The following PAIP2 variants were observed in gnomAD, a reference collection of about 807,000 sequenced individuals.
The protein encoded by PAIP2 is polyadenylate-binding protein-interacting protein 2.
In PAIP2, 7 loss-of-function variants were observed where a neutral mutation model predicts 14.8. That is an observed-to-expected ratio of 0.47 (90% CI 0.27 to 0.89). The LOEUF (loss-of-function observed/expected upper bound fraction) is 0.89. Among genes scored for constraint, PAIP2 ranks in the 40% least tolerant of loss-of-function variants. PAIP2 has a pLI of 0.13. For synonymous variants in PAIP2, 47 were observed against 45.3 expected (o/e 1.04, Z -0.15); for missense variants, 122 against 154.7 (o/e 0.79, Z 1.12).
At chr5:139,356,596 C>T (rs369367741) in intron 1 of PAIP2, among the ~76,000 whole-genome samples, 28 of 150,058 alleles carry the variant, frequency 1.9e-4, no homozygotes, top group African/African-American at 4.9e-4. Flanking sequence ...AATGACATTT[C>T]GGGCTGGGCA....
At chr5:139,364,932 G>C (rs1304875202) in intron 3 of PAIP2, 189 bp downstream of exon 3, 1 of 435,208 alleles carries the variant, frequency 2.3e-6, no homozygotes, top group East Asian at 4.0e-5. Flanking sequence ...TTGACTTGAG[G>C]TCAGGAGTTT....
At chr5:139,352,610 T>C (rs1756780592) in intron 1 of PAIP2, among the ~76,000 whole-genome samples, 2 of 151,224 alleles carry the variant, frequency 1.3e-5, no homozygotes, top group South Asian at 2.1e-4. Flanking sequence ...TAGCTGTGAT[T>C]ACAGGCATGT....
intron 1 of PAIP2, among the ~76,000 whole-genome samples, chr5:139,345,443 T>C (rs538379627): frequency 1.2e-4 from 19 of 152,096 alleles, no homozygotes; most frequent in East Asian, 7.7e-4. Flanking sequence ...AATTGAAAAA[T>C]GTTGCGATCC....
intron 1 of PAIP2, among the ~76,000 whole-genome samples, chr5:139,347,434 C>T (rs377176473): frequency 1.1e-3 from 171 of 151,988 alleles, no homozygotes; most frequent in African/African-American, 3.9e-3. Context: ...CCACCATGCC[C>T]GGCTAATTTT....
chr5:139,360,789 T>A (rs928858211), intron 1 of PAIP2, among the ~76,000 whole-genome samples: 1 of 151,492 alleles, frequency 6.6e-6, no homozygotes, highest in Non-Finnish European at 1.5e-5. Context: ...TTTTTTTTTT[T>A]TCTTTTTTGG....
At chr5:139,354,881 C>T (rs1029389598) in intron 1 of PAIP2, among the ~76,000 whole-genome samples, 3 of 147,840 alleles carry the variant, frequency 2.0e-5, no homozygotes, top group African/African-American at 5.0e-5. Context: ...AGTGCAGTGG[C>T]GTGGTCTCAG....
chr5:139,346,087 G>C (rs1255088675), intron 1 of PAIP2, among the ~76,000 whole-genome samples: 1 of 152,178 alleles, frequency 6.6e-6, no homozygotes. Flanking sequence ...AAAAACAGCT[G>C]AAGACACAAT....
chr5:139,354,532 GATAC>G (rs1394559102), intron 1 of PAIP2, among the ~76,000 whole-genome samples: 2 of 152,136 alleles, frequency 1.3e-5, no homozygotes, highest in Admixed American at 1.3e-4. Flanking sequence ...GAGCTTCTTA[GATAC>G]ATAGATTTGT....
At chr5:139,364,964 G>A in intron 3 of PAIP2, 1 of 317,332 alleles carries the variant, frequency 3.2e-6, no homozygotes, top group Non-Finnish European at 5.8e-6. Context: ...GACCAACATG[G>A]AGAAACCCCA....
At chr5:139,350,737 A>G (rs1339418298) in intron 1 of PAIP2, among the ~76,000 whole-genome samples, 2 of 152,082 alleles carry the variant, frequency 1.3e-5, no homozygotes, top group African/African-American at 4.8e-5. Flanking sequence ...AAAAAAATAG[A>G]GAAAACAGGC....
chr5:139,343,181 A>G (rs1365025052), intron 1 of PAIP2: 7 of 152,220 alleles, frequency 4.6e-5, no homozygotes, highest in African/African-American at 1.4e-4. Flanking sequence ...TTCTGTTTCC[A>G]GTTAGTGAAA....
intron 3 of PAIP2, among the ~76,000 whole-genome samples, chr5:139,366,401 A>G (rs1274792505): frequency 6.6e-6 from 1 of 152,178 alleles, no homozygotes; most frequent in Non-Finnish European, 1.5e-5. Flanking sequence ...TAAAAGTACT[A>G]CAGAGGATTT....
intron 3 of PAIP2, among the ~76,000 whole-genome samples, chr5:139,366,682 A>G (rs1358661320): frequency 1.3e-5 from 2 of 152,178 alleles, no homozygotes; most frequent in African/African-American, 4.8e-5. Context: ...GTATAATTCC[A>G]TAGTACAGAA....
chr5:139,358,182 C>T (rs1322660220), intron 1 of PAIP2, among the ~76,000 whole-genome samples: 1 of 152,136 alleles, frequency 6.6e-6, no homozygotes, highest in African/African-American at 2.4e-5. Context: ...AATTTCAGCT[C>T]CACTGTTCAC....
At chr5:139,359,524 G>T (rs935913884) in intron 1 of PAIP2, among the ~76,000 whole-genome samples, 7 of 152,102 alleles carry the variant, frequency 4.6e-5, no homozygotes, top group African/African-American at 1.7e-4. Flanking sequence ...GGGTGTCTTT[G>T]TACCTAACTT....
chr5:139,360,761 G>A (rs1232520282), intron 1 of PAIP2, among the ~76,000 whole-genome samples: 3 of 149,094 alleles, frequency 2.0e-5, no homozygotes, highest in African/African-American at 2.5e-5. Context: ...CACCCAGTTT[G>A]TTTCTTCCTG....
chr5:139,360,413 A>G (rs1018051357), intron 1 of PAIP2, among the ~76,000 whole-genome samples: 2 of 152,160 alleles, frequency 1.3e-5, no homozygotes, highest in Non-Finnish European at 2.9e-5. Context: ...TTTCCTAACA[A>G]ATCATATTAT....
intron 1 of PAIP2, among the ~76,000 whole-genome samples, chr5:139,358,135 C>T (rs888751130): frequency 2.0e-5 from 3 of 152,114 alleles, no homozygotes; most frequent in African/African-American, 7.2e-5. Flanking sequence ...AGTGCTGGGC[C>T]CTGGTGCATG....
At chr5:139,352,502 G>GTTTTTTTTTTTTTTTTTTT (rs536704901) in intron 1 of PAIP2, among the ~76,000 whole-genome samples, 35 of 76,168 alleles carry the variant, frequency 4.6e-4, no homozygotes, top group Non-Finnish European at 7.0e-4. Flanking sequence ...TTTTTTTGTT[G>GTTTTTTTTTTTTTTTTTTT]TTTTTTTTTT....
Sources: gnomAD v4.1 joint callset for allele counts (sites outside exome capture counted in the v4.1 genomes callset) on GRCh38, gnomAD v4.1.1 for gene constraint, MANE v1.5 for transcripts, NCBI Gene and HGNC (gene_info 2026-07-23, HGNC 2026-07-21) for gene names.